The following KRABD1 variants were observed in gnomAD, a reference collection of about 807,000 sequenced individuals.
The protein encoded by KRABD1 is KRAB domain containing 1.
chr3:42,940,157 T>C, the KRABD1 span, among the ~76,000 whole-genome samples: 1 of 152,240 alleles, frequency 6.6e-6, no homozygotes, highest in East Asian at 1.9e-4. Flanking sequence ...ATTAAAGGTG[T>C]GAGGCATGGG....
chr3:42,942,087 G>A, the KRABD1 span: 1,023 of 1,490,704 alleles, frequency 6.9e-4, 7 homozygotes, highest in African/African-American at 0.013. Flanking sequence ...TTAAGCAAGA[G>A]GGTTCTTCTC....
chr3:42,939,526 A>C, the KRABD1 span, among the ~76,000 whole-genome samples: 3 of 152,136 alleles, frequency 2.0e-5, no homozygotes, highest in Non-Finnish European at 4.4e-5. Flanking sequence ...TGCAGTGAAC[A>C]TTCTTATCTT....
At chr3:42,939,713 CTTG>C in the KRABD1 span, among the ~76,000 whole-genome samples, 4 of 152,118 alleles carry the variant, frequency 2.6e-5, no homozygotes, top group African/African-American at 4.8e-5. Context: ...CTTACCATTA[CTTG>C]TTGTCACTCG....
At chr3:42,942,176 C>G in the KRABD1 span, 12 of 774,028 alleles carry the variant, frequency 1.6e-5, 1 homozygote, top group South Asian at 1.9e-4. Flanking sequence ...ATGGAGTACA[C>G]TGGGATCCTC....
the KRABD1 span, chr3:42,941,441 A>C: frequency 7.3e-7 from 1 of 1,371,000 alleles, no homozygotes; most frequent in Non-Finnish European, 9.6e-7. Flanking sequence ...TAGCGATGTC[A>C]AAGGTTGCCA....
chr3:42,936,651 C>CA, the KRABD1 span: 1 of 152,292 alleles, frequency 6.6e-6, no homozygotes, highest in Non-Finnish European at 1.5e-5. Context: ...GTGGCCCACT[C>CA]AGAGTCGGAT....
the KRABD1 span, chr3:42,938,995 T>C: frequency 2.5e-6 from 3 of 1,197,056 alleles, no homozygotes; most frequent in Admixed American, 2.3e-5. Context: ...GTTTATTAGA[T>C]ACATACATAA....
At chr3:42,942,665 C>T in the KRABD1 span, 1 of 1,006,336 alleles carries the variant, frequency 9.9e-7, no homozygotes. Context: ...CATTTAAATA[C>T]CAGTTTTCCA....
chr3:42,942,570 G>T, the KRABD1 span: 1 of 1,412,354 alleles, frequency 7.1e-7, no homozygotes, highest in Non-Finnish European at 9.4e-7. Flanking sequence ...TACTTACTTA[G>T]CTAAAGCAGT....
chr3:42,942,527 C>T, the KRABD1 span: 6 of 826,486 alleles, frequency 7.3e-6, no homozygotes, highest in South Asian at 2.8e-5. Flanking sequence ...TATGATTTTC[C>T]TCCTCTCTAG....
the KRABD1 span, chr3:42,937,028 T>G: frequency 1.3e-5 from 2 of 152,170 alleles, no homozygotes. Context: ...GAATGTTAAA[T>G]CTAAAAAGAC....
chr3:42,938,863 T>C, the KRABD1 span: 3 of 1,512,564 alleles, frequency 2.0e-6, no homozygotes, highest in South Asian at 1.2e-5. Flanking sequence ...CTGAGACTTT[T>C]ACCTTTACCC....
At chr3:42,941,401 G>A in the KRABD1 span, 2 of 1,508,670 alleles carry the variant, frequency 1.3e-6, no homozygotes, top group Non-Finnish European at 1.8e-6. Context: ...AGGTTGAAGG[G>A]CTCTTTTATA....
chr3:42,942,193 A>G, the KRABD1 span: 8 of 702,448 alleles, frequency 1.1e-5, no homozygotes, highest in Non-Finnish European at 2.0e-5. Flanking sequence ...CCTCGATCAC[A>G]TTTTTTCTGA....
chr3:42,936,697 CAA>C, the KRABD1 span: 1 of 152,276 alleles, frequency 6.6e-6, no homozygotes, highest in African/African-American at 2.4e-5. Flanking sequence ...TCGAAGCCCA[CAA>C]AAAGTTTTAA....
chr3:42,939,068 A>G, the KRABD1 span: 1 of 587,294 alleles, frequency 1.7e-6, no homozygotes, highest in Non-Finnish European at 2.8e-6. Flanking sequence ...GTATGTGTAC[A>G]CACACACATT....
At chr3:42,940,219 A>G in the KRABD1 span, among the ~76,000 whole-genome samples, 1 of 152,192 alleles carries the variant, frequency 6.6e-6, no homozygotes, top group Non-Finnish European at 1.5e-5. Flanking sequence ...AGGATTATGT[A>G]TTGAAAAATC....
the KRABD1 span, chr3:42,937,492 C>T: frequency 2.0e-5 from 3 of 152,214 alleles, no homozygotes; most frequent in Non-Finnish European, 2.9e-5. Context: ...GGGACATTTA[C>T]TGCCGATACA....
At chr3:42,937,941 A>G in the KRABD1 span, 1 of 152,220 alleles carries the variant, frequency 6.6e-6, no homozygotes, top group African/African-American at 2.4e-5. Flanking sequence ...CTATGAGTAT[A>G]TGCACTTTTA....
Sources: allele counts gnomAD v4.1 joint callset (sites outside exome capture counted in the v4.1 genomes callset), GRCh38; gene constraint gnomAD v4.1.1; transcripts MANE v1.5; gene names NCBI Gene and HGNC (gene_info 2026-07-23, HGNC 2026-07-21).